The following MARCHF1 variants were observed in gnomAD, a reference collection of about 807,000 sequenced individuals.
The protein encoded by MARCHF1 is E3 ubiquitin-protein ligase MARCHF1.
MARCHF1 carries 40 observed loss-of-function variants against 54.2 expected under a neutral mutation model. That is an observed-to-expected ratio of 0.74 (90% CI 0.57 to 0.96). The LOEUF is 0.96. Ranked by LOEUF, MARCHF1 falls within the 40% of genes least tolerant of loss-of-function variation. The pLI, the probability that MARCHF1 is intolerant of heterozygous loss-of-function variation, is 0.00. For missense variants in MARCHF1, 586 were observed against 656.5 expected, an observed-to-expected ratio of 0.89 and a Z score of 1.17; for synonymous variants, 236 against 236.3, an observed-to-expected ratio of 1.00 and a Z score of 0.01.
intron 2 of MARCHF1, among the ~76,000 whole-genome samples, chr4:164,045,561 T>A (rs951559051): frequency 6.6e-6 from 1 of 150,864 alleles, no homozygotes; most frequent in Non-Finnish European, 1.5e-5. Flanking sequence ...AACCGTTTAT[T>A]TACCAAATTT....
chr4:163,987,290 A>G (rs761836300), intron 3 of MARCHF1, among the ~76,000 whole-genome samples: 7 of 152,226 alleles, frequency 4.6e-5, no homozygotes, highest in Admixed American at 2.0e-4. Context: ...GGCAATTACT[A>G]ATGTAAAAGT....
chr4:163,796,020 T>C (rs1747903964), intron 4 of MARCHF1, among the ~76,000 whole-genome samples: 1 of 152,104 alleles, frequency 6.6e-6, no homozygotes, highest in Admixed American at 6.5e-5. Flanking sequence ...CATAAACGTC[T>C]TTATCCTCGT....
chr4:164,194,093 G>A (rs1468025284), intron 1 of MARCHF1, among the ~76,000 whole-genome samples: 1 of 152,096 alleles, frequency 6.6e-6, no homozygotes, highest in Non-Finnish European at 1.5e-5. Flanking sequence ...AACTGAGGTA[G>A]AGACACAATA....
At chr4:163,784,320 G>A (rs929365847) in intron 4 of MARCHF1, among the ~76,000 whole-genome samples, 4 of 152,094 alleles carry the variant, frequency 2.6e-5, no homozygotes, top group African/African-American at 9.6e-5. Flanking sequence ...TTTCATGGGG[G>A]GTTCCATGGG....
In MARCHF1 at chr4:163,613,004, A is replaced by G. The variant is rs769709932; in HGVS notation, c.277T>C (p.Phe93Leu). 3.0e-5 allele frequency: 46 copies of G among 1,520,126 alleles called. No individual in the cohort carries two copies. The highest frequency in any genetic ancestry group is 3.8e-5 in the Non-Finnish European group (43 of 1,141,694). 94.2% of individuals were successfully genotyped at this position (1,520,126 alleles called of 1,614,324 possible). ...ACCATGACAGGGGTGCAATACTCAA[A>G]TGACTCTTCTGACATGTCATGCAAG... Reference protein sequence around the residue: ...AILHDMSEESFEYCTPVMVLS... With the variant: ...AILHDMSEESLEYCTPVMVLS... Residue 93 changes from phenylalanine (F) to leucine (L), a missense_variant, in exon 7 of 10, where the codon TTT becomes CTT. Around this residue, in one of 3 missense-constraint regions of MARCHF1, gnomAD observed 387 missense variants for 394.6 expected, o/e 0.98. Coordinates refer to ENST00000514618, the MANE Select transcript of MARCHF1 (RefSeq NM_001394959.1).
intron 2 of MARCHF1, among the ~76,000 whole-genome samples, chr4:164,022,843 T>C (rs1277383242): frequency 2.6e-5 from 4 of 152,210 alleles, no homozygotes; most frequent in Non-Finnish European, 5.9e-5. Context: ...TAGCCACTCC[T>C]AGGGCCCCTG....
intron 3 of MARCHF1, among the ~76,000 whole-genome samples, chr4:163,924,000 A>C (rs1257025323): frequency 6.6e-6 from 1 of 152,044 alleles, no homozygotes; most frequent in Non-Finnish European, 1.5e-5. Flanking sequence ...GCCAATAAAC[A>C]TTTTTAGAAT....
intron 5 of MARCHF1, among the ~76,000 whole-genome samples, chr4:163,693,425 G>T (rs1744524401): frequency 6.6e-6 from 1 of 151,406 alleles, no homozygotes; most frequent in African/African-American, 2.4e-5. Flanking sequence ...GAAAGCTGCA[G>T]TTCTGAGTGG....
intron 1 of MARCHF1, among the ~76,000 whole-genome samples, chr4:164,245,770 A>G (rs373114166): frequency 1.5e-5 from 2 of 137,660 alleles, no homozygotes; most frequent in African/African-American, 2.7e-5. Context: ...TACAAAATCA[A>G]TGTACAAAAA....
intron 8 of MARCHF1, among the ~76,000 whole-genome samples, chr4:163,546,696 G>A (rs4388042): frequency 0.41 from 61,606 of 151,974 alleles, 13,231 homozygotes; most frequent in Admixed American, 0.53. Context: ...TGCTGCTACC[G>A]TAAGGGTTGT....
intron 4 of MARCHF1, among the ~76,000 whole-genome samples, chr4:163,827,775 A>G (rs1748894832): frequency 6.6e-6 from 1 of 152,068 alleles, no homozygotes; most frequent in African/African-American, 2.4e-5. Context: ...TTATTTTGCA[A>G]TTTTGCAAAA....
chr4:164,225,892 T>A (rs879840001), intron 1 of MARCHF1, among the ~76,000 whole-genome samples: 4 of 152,024 alleles, frequency 2.6e-5, no homozygotes, highest in Non-Finnish European at 5.9e-5. Flanking sequence ...TCACAACTAT[T>A]GTTTTCTATT....
chr4:164,256,564 A>G (rs1056806086), intron 1 of MARCHF1, among the ~76,000 whole-genome samples: 4 of 152,026 alleles, frequency 2.6e-5, no homozygotes, highest in Non-Finnish European at 4.4e-5. Context: ...TTTTTTAAAA[A>G]AAGAAGGGAA....
intron 4 of MARCHF1, among the ~76,000 whole-genome samples, chr4:163,780,418 A>G (rs1173726616): frequency 1.3e-5 from 2 of 152,188 alleles, no homozygotes; most frequent in African/African-American, 2.4e-5. Flanking sequence ...TAAAATTTAT[A>G]TTATCCTTTT....
chr4:164,358,883 CAT>C (rs1394042822), intron 1 of MARCHF1, among the ~76,000 whole-genome samples: 6 of 151,896 alleles, frequency 4.0e-5, no homozygotes, highest in Non-Finnish European at 8.8e-5. Context: ...AAAATGAAAA[CAT>C]AAAAATGTTA....
At chr4:163,620,062 G>C (rs80191948) in intron 5 of MARCHF1, among the ~76,000 whole-genome samples, 1 of 151,828 alleles carries the variant, frequency 6.6e-6, no homozygotes, top group Non-Finnish European at 1.5e-5. Context: ...GATCTTTCAC[G>C]GATCAAGAAG....
Position 163,944,590 on chromosome 4 carries a change from C to T in MARCHF1, c.-39+43911G>A, listed in dbSNP as rs995383699. Among the ~76,000 whole-genome samples, 7 of 152,164 alleles carry T rather than the reference C, an allele frequency of 4.6e-5. No homozygotes were observed. In the East Asian group the frequency reaches 1.4e-3, roughly 29 times the overall value. On this transcript the variant is annotated intron_variant, in intron 3 of 9. Coordinates refer to ENST00000514618, the MANE Select transcript of MARCHF1 (RefSeq NM_001394959.1). ...TTTCAACTTTTCCTCCACTCCATCC[C>T]ACTTCCTCCCACTTTCTTTCCCAAG...
intron 1 of MARCHF1, chr4:164,383,380 G>C (rs1731432212): frequency 6.6e-6 from 1 of 152,374 alleles, no homozygotes; most frequent in African/African-American, 2.4e-5. Context: ...TGTGTCTTCC[G>C]TACTCAGCGC....
intron 4 of MARCHF1, among the ~76,000 whole-genome samples, chr4:163,771,500 C>T (rs1198610090): frequency 6.6e-6 from 1 of 152,166 alleles, no homozygotes; most frequent in African/African-American, 2.4e-5. Flanking sequence ...TCACAGATGA[C>T]ACCATCTTTT....
Sources: allele counts gnomAD v4.1 joint callset (sites outside exome capture counted in the v4.1 genomes callset), GRCh38; gene constraint gnomAD v4.1.1; regional missense constraint gnomAD v4.1.1; transcripts MANE v1.5; gene names NCBI Gene and HGNC (gene_info 2026-07-23, HGNC 2026-07-21).